UNC13B: variants seen among roughly 807,000 people sequenced by gnomAD.
UNC13B encodes unc-13 homolog B, also known as protein unc-13 homolog B.
In UNC13B, 144 loss-of-function variants were observed where a neutral mutation model predicts 211.0. The observed-to-expected ratio is 0.68, with a 90% CI of 0.60 to 0.78. The LOEUF (loss-of-function observed/expected upper bound fraction) is 0.78. Ranked by LOEUF, UNC13B falls within the 30% of genes least tolerant of loss-of-function variation. The pLI, the probability that UNC13B is intolerant of heterozygous loss-of-function variation, is 0.00. For synonymous variants in UNC13B, 709 were observed against 725.8 expected, an observed-to-expected ratio of 0.98 and a Z score of 0.37; for missense variants, 1,777 against 2,002.0, an observed-to-expected ratio of 0.89 and a Z score of 2.14.
chr9:35,318,042 TC>T (rs1252775905), intron 11 of UNC13B, among the ~76,000 whole-genome samples: 2 of 147,752 alleles, frequency 1.4e-5, no homozygotes, highest in East Asian at 4.0e-4. Flanking sequence ...TATGGCCTTT[TC>T]TTTTTCAGAA....
chr9:35,365,144 A>G (rs1833694566), intron 11 of UNC13B, among the ~76,000 whole-genome samples: 1 of 152,214 alleles, frequency 6.6e-6, no homozygotes. Context: ...ATGTGAATGC[A>G]TAGTATACTA....
intron 37 of UNC13B, among the ~76,000 whole-genome samples, chr9:35,402,655 C>G (rs1487456440): frequency 6.6e-6 from 1 of 151,994 alleles, no homozygotes. Context: ...GAGATTGGAA[C>G]TGGGGAGTTC....
intron 33 of UNC13B, 53 bp downstream of exon 33, chr9:35,399,087 C>T (rs1244577384): frequency 3.7e-6 from 6 of 1,613,476 alleles, no homozygotes; most frequent in East Asian, 2.2e-5. Flanking sequence ...CAGATGCTAT[C>T]GGGCAAGGGA....
intron 5 of UNC13B, among the ~76,000 whole-genome samples, chr9:35,239,674 C>A (rs1335183314): frequency 6.6e-6 from 1 of 152,162 alleles, no homozygotes; most frequent in African/African-American, 2.4e-5. Flanking sequence ...CATCCCTTAT[C>A]TACAACCGTA....
intron 1 of UNC13B, among the ~76,000 whole-genome samples, chr9:35,193,616 C>T (rs1037034591): frequency 7.8e-6 from 1 of 127,560 alleles, no homozygotes; most frequent in Non-Finnish European, 1.6e-5. Context: ...CGAGACTGCA[C>T]AATTGCACTC....
In UNC13B at chr9:35,326,879, C is replaced by T. The variant is rs1366517172; in HGVS notation, c.9414+12890C>T. Among the ~76,000 whole-genome samples the T allele has an allele frequency of 2.0e-5, 3 of 152,324 alleles. No individual in the cohort carries two copies. The East Asian group carries it at 5.8e-4, about 29-fold the overall frequency. ...AGGAGGGACTACCGTAATATCTATT[C>T]AAATCCTCCGCTCATTTTTAAATTG... On this transcript the variant is annotated intron_variant, in intron 11 of 39. Transcript: ENST00000635942.
intron 1 of UNC13B, among the ~76,000 whole-genome samples, chr9:35,169,548 C>T (rs1327806435): frequency 2.0e-5 from 3 of 152,218 alleles, no homozygotes; most frequent in Non-Finnish European, 4.4e-5. Flanking sequence ...CTGCCACCCC[C>T]TGCTGAATGT....
At chr9:35,255,074 AATATATATATTATAT>A (rs891067541) in intron 6 of UNC13B, among the ~76,000 whole-genome samples, 21 of 118,218 alleles carry the variant, frequency 1.8e-4, no homozygotes, top group African/African-American at 6.8e-4. Context: ...TGTATAATAT[AATATATATATTATAT>A]ATATATTATA....
At chr9:35,390,848 A>G in intron 26 of UNC13B, 134 bp downstream of exon 26, 1 of 887,812 alleles carries the variant, frequency 1.1e-6, no homozygotes, top group Non-Finnish European at 1.7e-6. Context: ...TTCTAGGCCT[A>G]GTGGGATGTA....
At chr9:35,270,468 A>C (rs1451332571) in intron 7 of UNC13B, among the ~76,000 whole-genome samples, 1 of 152,164 alleles carries the variant, frequency 6.6e-6, no homozygotes, top group Non-Finnish European at 1.5e-5. Context: ...CTCTGTTCCC[A>C]AGAACATCAA....
intron 1 of UNC13B, among the ~76,000 whole-genome samples, chr9:35,164,547 CAGTT>C (rs1391432811): frequency 2.0e-5 from 3 of 152,194 alleles, no homozygotes; most frequent in African/African-American, 7.2e-5. Flanking sequence ...TTCAAGAAGT[CAGTT>C]ATTTTGTCTT....
rs369987353 is a variant in UNC13B, at chr9:35,318,752, G to A, written c.9414+4763G>A. Among the ~76,000 whole-genome samples the A allele has an allele frequency of 7.3e-4, 111 of 152,288 alleles. 1 individual carries two copies. In the South Asian group the frequency reaches 0.018, roughly 25 times the overall value. On this transcript the variant is annotated intron_variant, in intron 11 of 39. Coordinates refer to ENST00000635942, the MANE Select transcript of UNC13B (RefSeq NM_001371189.2). The stretch of plus-strand genomic sequence containing the variant: ...TACAAATGAATAACCTTGTACATAT[G>A]TCATTTTGCATGTGTGCAGGTATAC...
intron 11 of UNC13B, among the ~76,000 whole-genome samples, chr9:35,347,609 T>A (rs1703200993): frequency 6.6e-6 from 1 of 152,178 alleles, no homozygotes; most frequent in South Asian, 2.1e-4. Flanking sequence ...GCCCTTCCTA[T>A]ATCACCAGAA....
At chr9:35,242,733 T>C (rs1014010825) in intron 5 of UNC13B, among the ~76,000 whole-genome samples, 4 of 152,216 alleles carry the variant, frequency 2.6e-5, no homozygotes, top group African/African-American at 9.6e-5. Flanking sequence ...TTGTGAATAA[T>C]GCTACTAGGA....
At position 35,218,865 on chromosome 9, in the gene UNC13B, T is replaced by C. The variant is rs374494849; in HGVS notation, c.23-9150T>C. Among the ~76,000 whole-genome samples, 115 of 152,160 alleles carry C rather than the reference T, an allele frequency of 7.6e-4. 1 individual carries two copies. In the South Asian group the frequency reaches 0.019, roughly 25 times the overall value. ...CCCGGGTTCAAGTGATTCTCCTGCC[T>C]CAGCCTCCTGAGTAGCTGGGATTAC... On this transcript the variant is annotated intron_variant, in intron 1 of 39. Transcript: ENST00000635942.
rs532885933 is a variant in UNC13B, at chr9:35,348,258, C to T, written c.9415-18689C>T. 6.0e-4 allele frequency among the ~76,000 whole-genome samples: 91 copies of T among 152,292 alleles called. 1 individual carries two copies. The highest frequency in any genetic ancestry group is 1.3e-3 in the East Asian group (7 of 5,186). On this transcript the variant is annotated intron_variant, in intron 11 of 39. Transcript: ENST00000635942. ...TTATCTGGACCAAAGTGAGGCTGGC[C>T]TTAGAAGACCTGGCAATGAATTCTG... is the stretch of plus-strand genomic sequence containing the variant.
chr9:35,184,187 G>C (rs1822195011), intron 1 of UNC13B, among the ~76,000 whole-genome samples: 1 of 150,680 alleles, frequency 6.6e-6, no homozygotes, highest in African/African-American at 2.4e-5. Context: ...TCACTTCCCA[G>C]ACAGGGCGGC....
chr9:35,382,550 TA>T (rs1161160950), intron 21 of UNC13B, 43 bp downstream of exon 21: 4 of 1,560,004 alleles, frequency 2.6e-6, no homozygotes. Flanking sequence ...TGTTACCAAT[TA>T]ATAAAGTTTG....
At position 35,397,227 on chromosome 9, in the gene UNC13B, C is replaced by T. The variant is rs1210595577; in HGVS notation, c.11593C>T (p.Leu3865Phe). ...CTCTGTGGTGGATGTCTTCACACAA[C>T]TCAATCAGAGCTTTGAGATCATCCG... is the stretch of plus-strand genomic sequence containing the variant. ...SCSVVDVFTQ[L>F]NQSFEIIRKL... The change falls in exon 29 of 40, where the codon CTC becomes TTC. Residue 3865 changes from leucine (L) to phenylalanine (F), a missense_variant. By Grantham distance (22) the Leu-to-Phe change is conservative. Coordinates refer to ENST00000635942, the MANE Select transcript of UNC13B (RefSeq NM_001371189.2). 1 of 1,614,070 alleles carries T rather than the reference C, an allele frequency of 6.2e-7. No individual in the cohort carries two copies. The highest frequency in any genetic ancestry group is 1.3e-5 in the African/African-American group (1 of 74,924).
Sources: allele counts gnomAD v4.1 joint callset (sites outside exome capture counted in the v4.1 genomes callset), GRCh38; gene constraint gnomAD v4.1.1; transcripts MANE v1.5; gene names NCBI Gene and HGNC (gene_info 2026-07-23, HGNC 2026-07-21).